AVEN: variants seen among roughly 807,000 people sequenced by gnomAD.
The protein encoded by AVEN is apoptosis and caspase activation inhibitor.
A neutral mutation model predicts 38.1 loss-of-function variants in AVEN; 41 were observed. The ratio of observed to expected loss-of-function variants is 1.08; its 90% CI spans 0.84 to 1.40. The LOEUF (loss-of-function observed/expected upper bound fraction) is 1.40. Among genes scored for constraint, AVEN ranks in the 40% most tolerant of loss-of-function variants. AVEN has a pLI of 0.00. For synonymous variants in AVEN, 206 were observed against 171.8 expected (o/e 1.20, Z -1.56); for missense variants, 605 against 438.8 (o/e 1.38, Z -3.38).
At chr15:34,037,272 A>T (rs1161397846) in intron 1 of AVEN, among the ~76,000 whole-genome samples, 6 of 152,042 alleles carry the variant, frequency 3.9e-5, no homozygotes, top group African/African-American at 1.2e-4. Flanking sequence ...CATTACTACA[A>T]TTACTCTTAA....
chr15:34,039,736 A>T (rs1899386738), upstream of AVEN, among the ~76,000 whole-genome samples: 1 of 152,182 alleles, frequency 6.6e-6, no homozygotes. Flanking sequence ...TACAGCTGAC[A>T]TTTATTGAGC....
chr15:33,988,942 T>C (rs972918697), intron 2 of AVEN, among the ~76,000 whole-genome samples: 1 of 152,262 alleles, frequency 6.6e-6, no homozygotes, highest in African/African-American at 2.4e-5. Flanking sequence ...CCCTGTATTT[T>C]AGTTTAAGCA....
At chr15:33,983,697 G>A (rs1597310096) in intron 2 of AVEN, among the ~76,000 whole-genome samples, 4 of 152,218 alleles carry the variant, frequency 2.6e-5, no homozygotes, top group Admixed American at 6.5e-5. Context: ...GTGTGAGCAG[G>A]ACTTAGTGAC....
At chr15:33,898,049 C>A (rs1430512319) in intron 2 of AVEN, among the ~76,000 whole-genome samples, 1 of 152,006 alleles carries the variant, frequency 6.6e-6, no homozygotes, top group Non-Finnish European at 1.5e-5. Flanking sequence ...ATTAGCTGGG[C>A]GTGGTGGTGG....
chr15:33,891,822 T>C (rs1250162788), intron 2 of AVEN, among the ~76,000 whole-genome samples: 2 of 152,206 alleles, frequency 1.3e-5, no homozygotes, highest in African/African-American at 2.4e-5. Flanking sequence ...TCCACAATGG[T>C]GGAACCAATT....
chr15:34,027,894 A>G (rs1251344578), intron 1 of AVEN, among the ~76,000 whole-genome samples: 1 of 152,100 alleles, frequency 6.6e-6, no homozygotes, highest in East Asian at 1.9e-4. Context: ...TCAAGAGGGC[A>G]TTGTAGAACG....
intron 2 of AVEN, among the ~76,000 whole-genome samples, chr15:33,929,202 CA>C (rs1472747002): frequency 6.6e-6 from 1 of 152,142 alleles, no homozygotes; most frequent in Non-Finnish European, 1.5e-5. Context: ...ATCACCTTAG[CA>C]CCTGAATCTC....
chr15:33,898,187 T>TCAAAA (rs1183380872), intron 2 of AVEN, among the ~76,000 whole-genome samples: 2 of 152,138 alleles, frequency 1.3e-5, no homozygotes, highest in African/African-American at 4.8e-5. Flanking sequence ...AGACTCCGTC[T>TCAAAA]CAAAACAAAA....
intron 2 of AVEN, among the ~76,000 whole-genome samples, chr15:33,878,461 G>C (rs1343299650): frequency 2.8e-5 from 4 of 145,012 alleles, no homozygotes; most frequent in Non-Finnish European, 2.9e-5. Flanking sequence ...AACTAGGCTA[G>C]TTACCAATAT....
chr15:33,998,666 A>G (rs2140605889), intron 2 of AVEN, among the ~76,000 whole-genome samples: 1 of 152,308 alleles, frequency 6.6e-6, no homozygotes, highest in East Asian at 1.9e-4. Context: ...AAGATCACCA[A>G]TAACCTTCCT....
chr15:34,034,048 G>A (rs1470355015), intron 1 of AVEN, among the ~76,000 whole-genome samples: 1 of 152,132 alleles, frequency 6.6e-6, no homozygotes, highest in Non-Finnish European at 1.5e-5. Flanking sequence ...GCCTCCCAAA[G>A]TGCTGGGATT....
chr15:33,980,035 T>A (rs1202582997), intron 2 of AVEN, among the ~76,000 whole-genome samples: 1 of 152,152 alleles, frequency 6.6e-6, no homozygotes, highest in Non-Finnish European at 1.5e-5. Context: ...AAAAAAAGAA[T>A]GAGAATAACA....
rs1035895081 is a variant in AVEN, at chr15:34,038,876, C to CCGGCCA, written c.165_170dup (p.Arg57_Gly58dup). 3.9e-3 allele frequency: 4,492 copies of CCGGCCA among 1,145,418 alleles called. 16 individuals carry two copies. The highest frequency in any genetic ancestry group is 6.7e-3 in the Middle Eastern group (18 of 2,706). The allele number at this position is 1,145,418 out of a possible 1,614,324, so 71.0% of individuals were successfully genotyped here. ...GGCCTCCGCGAGCGCCGCGGAAGCCCCGGCCACGGCCACGGCCCCGGCGTC... is the reference window on the plus strand; with the variant it reads ...GGCCTCCGCGAGCGCCGCGGAAGCCCCGGCCACGGCCACGGCCACGGCCCCGGCGTC... On this transcript the variant is annotated inframe_insertion, in exon 1 of 6. Coordinates refer to ENST00000306730, the MANE Select transcript of AVEN (RefSeq NM_020371.3).
intron 2 of AVEN, among the ~76,000 whole-genome samples, chr15:33,916,481 A>T (rs1893141950): frequency 6.6e-6 from 1 of 152,238 alleles, no homozygotes; most frequent in African/African-American, 2.4e-5. Flanking sequence ...AAGAAACTTA[A>T]ATCAGCAGGA....
At chr15:33,965,949 C>A (rs1444955672) in intron 2 of AVEN, among the ~76,000 whole-genome samples, 2 of 151,922 alleles carry the variant, frequency 1.3e-5, no homozygotes, top group East Asian at 3.8e-4. Flanking sequence ...AGAACAACAT[C>A]AGGAATACCA....
At chr15:33,873,800 C>T (rs1891106083) in intron 3 of AVEN, among the ~76,000 whole-genome samples, 1 of 152,088 alleles carries the variant, frequency 6.6e-6, no homozygotes, top group Admixed American at 6.6e-5. Context: ...GGCATCACCA[C>T]TCACCTAGTT....
At chr15:33,959,162 T>C (rs943474044) in intron 2 of AVEN, among the ~76,000 whole-genome samples, 4 of 152,170 alleles carry the variant, frequency 2.6e-5, no homozygotes, top group African/African-American at 4.8e-5. Context: ...TAGTATCCAG[T>C]TGAAACATCA....
chr15:34,028,170 A>G (rs1411090570), intron 1 of AVEN, among the ~76,000 whole-genome samples: 1 of 152,224 alleles, frequency 6.6e-6, no homozygotes, highest in Non-Finnish European at 1.5e-5. Flanking sequence ...ATGAAGAAAG[A>G]TAATACATAT....
intron 2 of AVEN, among the ~76,000 whole-genome samples, chr15:33,889,534 T>C (rs950122216): frequency 6.6e-6 from 1 of 152,182 alleles, no homozygotes; most frequent in Non-Finnish European, 1.5e-5. Context: ...TCTTAAGTTA[T>C]CTGTTTCTCT....
Sources: gnomAD v4.1 joint callset for allele counts (sites outside exome capture counted in the v4.1 genomes callset) on GRCh38, gnomAD v4.1.1 for gene constraint, MANE v1.5 for transcripts, NCBI Gene and HGNC (gene_info 2026-07-23, HGNC 2026-07-21) for gene names.